The following IGF1 variants were observed in gnomAD, a reference collection of about 807,000 sequenced individuals.
IGF1 encodes the protein insulin-like growth factor 1.
Under a neutral mutation model 13.8 loss-of-function variants are expected in IGF1, and 4 were observed. The observed-to-expected ratio is 0.29, with a 90% CI of 0.14 to 0.66. The LOEUF is 0.66. IGF1 is among the 30% of genes least tolerant of loss of function. The probability of loss-of-function intolerance (pLI) is 0.78; values close to 1 mark genes in which losing one functional copy is unlikely to be tolerated. For missense variants in IGF1, 124 were observed against 188.5 expected, an observed-to-expected ratio of 0.66 and a Z score of 2.00; for synonymous variants, 76 against 72.6, an observed-to-expected ratio of 1.05 and a Z score of -0.23.
intron 3 of IGF1, 49 bp from the exon 4 acceptor site, chr12:102,402,615 A>G (rs1313198247): frequency 5.1e-6 from 4 of 779,266 alleles, no homozygotes; most frequent in Admixed American, 1.7e-5. Flanking sequence ...AGTTTTATGT[A>G]TCCATCTATT....
intron 3 of IGF1, among the ~76,000 whole-genome samples, chr12:102,404,830 T>C (rs1180546124): frequency 6.6e-6 from 1 of 150,536 alleles, no homozygotes; most frequent in Non-Finnish European, 1.5e-5. Context: ...CGTTCTCAGC[T>C]CACTGCAACC....
intron 2 of IGF1, among the ~76,000 whole-genome samples, chr12:102,461,339 T>C (rs940872242): frequency 8.5e-5 from 13 of 152,318 alleles, no homozygotes; most frequent in African/African-American, 2.6e-4. Context: ...GCTGTATCTC[T>C]TTGAAAAGCA....
At chr12:102,420,902 A>G (rs1459327429) in intron 2 of IGF1, among the ~76,000 whole-genome samples, 4 of 152,226 alleles carry the variant, frequency 2.6e-5, no homozygotes, top group Non-Finnish European at 4.4e-5. Flanking sequence ...ACAGAAGAAA[A>G]CATTACGTTT....
chr12:102,422,669 T>G (rs1432643118), intron 2 of IGF1, among the ~76,000 whole-genome samples: 4 of 148,426 alleles, frequency 2.7e-5, no homozygotes, highest in Non-Finnish European at 6.0e-5. Flanking sequence ...AATAAAACAA[T>G]TGGCTTCAGT....
At chr12:102,481,000 T>G (rs928137167), upstream of IGF1, among the ~76,000 whole-genome samples, 2 of 152,160 alleles carry the variant, frequency 1.3e-5, no homozygotes, top group Non-Finnish European at 2.9e-5. Context: ...TCCAGCAAAC[T>G]CTACAATTTT....
upstream of IGF1, among the ~76,000 whole-genome samples, chr12:102,481,055 G>A (rs1334714008): frequency 4.6e-5 from 7 of 152,156 alleles, no homozygotes; most frequent in Admixed American, 3.3e-4. Context: ...GACAGCACTC[G>A]GGTGACCCCT....
chr12:102,472,572 A>G (rs890857936), intron 2 of IGF1, among the ~76,000 whole-genome samples: 1 of 152,232 alleles, frequency 6.6e-6, no homozygotes, highest in African/African-American at 2.4e-5. Flanking sequence ...GAAGCAGTTT[A>G]AAATAAAAGT....
chr12:102,417,545 C>CT (rs924754361), intron 3 of IGF1: 9 of 1,152,006 alleles, frequency 7.8e-6, no homozygotes, highest in Admixed American at 4.6e-5. Context: ...AATAGTGTGT[C>CT]TTTTTTTGCC....
At chr12:102,403,341 C>G (rs1017628397) in intron 3 of IGF1, among the ~76,000 whole-genome samples, 1 of 152,140 alleles carries the variant, frequency 6.6e-6, no homozygotes, top group African/African-American at 2.4e-5. Context: ...TCATTTTTCT[C>G]TTCTTAGTAT....
rs774818648 is a variant in IGF1 at position 102,408,278 on chromosome 12, G to GGTTGGATGATGATTTAGAT, written c.403-5713_403-5712insATCTAAATCATCATCCAAC. ...GGCTTGGCCTGGGGACATGTGAAAT[G>GGTTGGATGATGATTTAGAT]GTGGAGGATGATTTAGATGTCTCAG... On this transcript the variant is annotated intron_variant, in intron 3 of 3. Coordinates refer to ENST00000337514, the MANE Select transcript of IGF1 (RefSeq NM_000618.5). Among the ~76,000 whole-genome samples, 75 of 152,302 alleles carry GGTTGGATGATGATTTAGAT rather than the reference G, an allele frequency of 4.9e-4. 1 individual carries two copies. The highest frequency in any genetic ancestry group is 8.7e-4 in the Non-Finnish European group (59 of 68,024).
intron 3 of IGF1, among the ~76,000 whole-genome samples, chr12:102,408,780 C>T (rs1487881842): frequency 2.6e-5 from 4 of 152,140 alleles, no homozygotes; most frequent in African/African-American, 9.7e-5. Flanking sequence ...TCAAAAACTC[C>T]ATGATGACTT....
In IGF1 at chr12:102,457,526, T is replaced by C. The variant is rs142231217; in HGVS notation, c.220+18117A>G. ...GCCCAGTATTTCTGGCCTCTCTCAG[T>C]CTATAGAACACAACCATGCCTCTAC... On this transcript the variant is annotated intron_variant, in intron 2 of 3. Transcript: ENST00000337514. Among the ~76,000 whole-genome samples, 283 of 152,278 alleles carry C rather than the reference T, an allele frequency of 1.9e-3. 1 individual carries two copies. Among genetic ancestry groups the C allele is most frequent in the African/African-American group, 6.4e-3 (267 of 41,542 alleles).
chr12:102,415,496 C>T (rs1482587304), intron 3 of IGF1, among the ~76,000 whole-genome samples: 1 of 150,602 alleles, frequency 6.6e-6, no homozygotes, highest in Non-Finnish European at 1.5e-5. Context: ...ACATAGTTTG[C>T]TAGTTAAGCA....
chr12:102,437,906 G>A (rs1268349258), intron 2 of IGF1, among the ~76,000 whole-genome samples: 1 of 152,142 alleles, frequency 6.6e-6, no homozygotes, highest in Non-Finnish European at 1.5e-5. Flanking sequence ...ATTATTATGT[G>A]TCAATTAAAA....
At chr12:102,423,215 C>G (rs1021553614) in intron 2 of IGF1, 1 of 142,062 alleles carries the variant, frequency 7.0e-6, no homozygotes, top group East Asian at 2.1e-4. Context: ...TGAAGTTCCC[C>G]AAGATGCTCT....
At chr12:102,451,609 C>A (rs1382123929) in intron 2 of IGF1, among the ~76,000 whole-genome samples, 1 of 152,182 alleles carries the variant, frequency 6.6e-6, no homozygotes, top group African/African-American at 2.4e-5. Flanking sequence ...GGAAAGAAAA[C>A]TTGAGGAATA....
intron 3 of IGF1, 70 bp from the exon 4 acceptor site, chr12:102,402,636 G>T (rs1469252948): frequency 5.2e-6 from 4 of 775,720 alleles, no homozygotes; most frequent in Non-Finnish European, 9.6e-6. Flanking sequence ...TCTAACATTG[G>T]GCCTCAACCT....
intron 2 of IGF1, among the ~76,000 whole-genome samples, chr12:102,441,581 C>T (rs1877719614): frequency 6.6e-6 from 1 of 152,112 alleles, no homozygotes; most frequent in Non-Finnish European, 1.5e-5. Flanking sequence ...AAGCATGATA[C>T]CCCAAATCTT....
At chr12:102,424,740 G>A (rs555329182) in intron 2 of IGF1, among the ~76,000 whole-genome samples, 1 of 152,060 alleles carries the variant, frequency 6.6e-6, no homozygotes, top group African/African-American at 2.4e-5. Flanking sequence ...TTATAAGGAA[G>A]ACTTGAGTCC....
Sources: allele counts gnomAD v4.1 joint callset (sites outside exome capture counted in the v4.1 genomes callset), GRCh38; gene constraint gnomAD v4.1.1; transcripts MANE v1.5; gene names NCBI Gene and HGNC (gene_info 2026-07-23, HGNC 2026-07-21).